The following FRAS1 variants were observed in gnomAD, a reference collection of about 807,000 sequenced individuals.
FRAS1 encodes the protein extracellular matrix organizing protein FRAS1.
A neutral mutation model predicts 435.2 loss-of-function variants in FRAS1; 290 were observed. That is an observed-to-expected ratio of 0.67 (90% CI 0.61 to 0.73). The LOEUF (loss-of-function observed/expected upper bound fraction) is 0.73. Among genes scored for constraint, FRAS1 ranks in the 30% least tolerant of loss-of-function variants. The probability of loss-of-function intolerance (pLI) is 0.00; values close to 1 mark genes in which losing one functional copy is unlikely to be tolerated. For missense variants in FRAS1, 4,860 were observed against 5,001.5 expected, an observed-to-expected ratio of 0.97 and a Z score of 0.85; for synonymous variants, 1,800 against 1,851.0, an observed-to-expected ratio of 0.97 and a Z score of 0.71.
At chr4:78,479,809 C>T in intron 56 of FRAS1, 91 bp downstream of exon 56, 1 of 994,150 alleles carries the variant, frequency 1.0e-6, no homozygotes, top group Non-Finnish European at 1.4e-6. Flanking sequence ...ATCCGGGAGA[C>T]ATTGAGAATG....
chr4:78,319,099 G>T, intron 18 of FRAS1, 113 bp downstream of exon 18: 2 of 1,087,482 alleles, frequency 1.8e-6, no homozygotes, highest in East Asian at 4.7e-5. Flanking sequence ...ATGGTTCCTA[G>T]ATGCTTGTGA....
At chr4:78,539,589 T>G in intron 73 of FRAS1, 149 bp downstream of exon 73, 1 of 792,454 alleles carries the variant, frequency 1.3e-6, no homozygotes, top group Non-Finnish European at 2.0e-6. Context: ...GTTAAGCTTA[T>G]CACCCACCCA....
chr4:78,140,952 A>G (rs1427440545), intron 2 of FRAS1, among the ~76,000 whole-genome samples: 4 of 152,218 alleles, frequency 2.6e-5, no homozygotes, highest in Non-Finnish European at 5.9e-5. Context: ...GTCACAAGTC[A>G]GAACCAATGA....
In FRAS1 at chr4:78,379,715, A is replaced by G; in HGVS notation, c.3293-11A>G. 1 of 1,603,682 alleles carries G rather than the reference A, an allele frequency of 6.2e-7. No individual in the cohort carries two copies. Among genetic ancestry groups the G allele is most frequent in the Non-Finnish European group, 8.5e-7 (1 of 1,177,540 alleles). ...CCATAAGCTTGACCTTTGGATTCAT[A>G]TGTTTTTCAGGCAAAATACACACCC... On this transcript the variant is annotated splice_polypyrimidine_tract_variant and intron_variant, in intron 26 of 73. Coordinates refer to ENST00000512123, the MANE Select transcript of FRAS1 (RefSeq NM_025074.7).
intron 13 of FRAS1, among the ~76,000 whole-genome samples, 200 bp downstream of exon 13, chr4:78,284,748 C>CT (rs1727502990): frequency 6.6e-6 from 1 of 152,038 alleles, no homozygotes; most frequent in Non-Finnish European, 1.5e-5. Flanking sequence ...ACCTGCAGGT[C>CT]TTTTTTTCTG....
intron 18 of FRAS1, among the ~76,000 whole-genome samples, chr4:78,324,408 A>C (rs1729634932): frequency 1.3e-5 from 2 of 152,152 alleles, no homozygotes; most frequent in African/African-American, 4.8e-5. Flanking sequence ...TTTCATTTTG[A>C]GATTACTACT....
At chr4:78,181,497 C>A (rs1470591389) in intron 2 of FRAS1, 1 of 1,611,652 alleles carries the variant, frequency 6.2e-7, no homozygotes, top group Non-Finnish European at 8.5e-7. Flanking sequence ...GAATCAAATC[C>A]ATCTCCTCGG....
In FRAS1 at chr4:78,308,054, A is replaced by G. The variant is rs368490722; in HGVS notation, c.1535-12A>G. On this transcript the variant is annotated splice_polypyrimidine_tract_variant and intron_variant, in intron 14 of 73. Coordinates refer to ENST00000512123, the MANE Select transcript of FRAS1 (RefSeq NM_025074.7). Reference sequence around the variant, plus strand: ...CCGTAGATTACTCACTGATTTTGCTATTCGTCTGCAGTCTGCCATGAGTCC... The same window carrying G: ...CCGTAGATTACTCACTGATTTTGCTGTTCGTCTGCAGTCTGCCATGAGTCC... The G allele has an allele frequency of 6.3e-6, 10 of 1,581,242 alleles. No homozygotes were observed. The highest frequency in any genetic ancestry group is 1.4e-5 in the African/African-American group (1 of 73,630).
intron 2 of FRAS1, among the ~76,000 whole-genome samples, chr4:78,206,306 G>A (rs1161457025): frequency 6.6e-6 from 1 of 152,078 alleles, no homozygotes; most frequent in Non-Finnish European, 1.5e-5. Flanking sequence ...GGAAGGGGCC[G>A]TGAGCCAAGG....
At chr4:78,328,844 T>C (rs1239326434) in intron 18 of FRAS1, among the ~76,000 whole-genome samples, 2 of 152,198 alleles carry the variant, frequency 1.3e-5, no homozygotes, top group Non-Finnish European at 2.9e-5. Flanking sequence ...AGGCTACTTA[T>C]TTTATTTCTT....
At chr4:78,291,422 C>G (rs773050648) in intron 14 of FRAS1, among the ~76,000 whole-genome samples, 1 of 152,158 alleles carries the variant, frequency 6.6e-6, no homozygotes, top group Non-Finnish European at 1.5e-5. Flanking sequence ...TGAGGCAGAG[C>G]TTGGTGACAA....
At chr4:78,441,976 C>T (rs1414670890) in intron 41 of FRAS1, among the ~76,000 whole-genome samples, 1 of 152,242 alleles carries the variant, frequency 6.6e-6, no homozygotes, top group African/African-American at 2.4e-5. Context: ...ATTGAGACAG[C>T]TCATGGCAGG....
intron 22 of FRAS1, among the ~76,000 whole-genome samples, chr4:78,367,686 C>T (rs1223689572): frequency 6.6e-6 from 1 of 151,612 alleles, no homozygotes; most frequent in Non-Finnish European, 1.5e-5. Flanking sequence ...TCTTCTTCAT[C>T]CTGTATTTGT....
chr4:78,397,446 G>T (rs1732714977), intron 29 of FRAS1, among the ~76,000 whole-genome samples: 1 of 152,188 alleles, frequency 6.6e-6, no homozygotes, highest in Non-Finnish European at 1.5e-5. Flanking sequence ...GTGTGTGTTT[G>T]CTGTCTGCAT....
Position 78,435,077 on chromosome 4 carries a change from C to T in FRAS1, c.5217+2473C>T, listed in dbSNP as rs574097002. ...AAGAACACCAGCCTGGACAACATGG[C>T]AAGACCCTGTCTCTACAAAAATACA... is the stretch of plus-strand genomic sequence containing the variant. On this transcript the variant is annotated intron_variant, in intron 38 of 73. Transcript: ENST00000512123. Among the ~76,000 whole-genome samples the T allele has an allele frequency of 1.6e-4, 25 of 152,154 alleles. No homozygotes were observed. In the South Asian group the frequency reaches 5.0e-3, roughly 30 times the overall value.
intron 56 of FRAS1, among the ~76,000 whole-genome samples, 183 bp from the exon 57 acceptor site, chr4:78,481,621 A>G (rs567001462): frequency 8.5e-5 from 13 of 152,328 alleles, no homozygotes; most frequent in Middle Eastern, 3.4e-3. Context: ...GTGAAAAGAC[A>G]GGTAGTGACA....
intron 12 of FRAS1, 140 bp from the exon 13 acceptor site, chr4:78,284,265 G>GT: frequency 2.4e-6 from 1 of 411,100 alleles, no homozygotes; most frequent in Non-Finnish European, 4.3e-6. Flanking sequence ...TATTTAGGAG[G>GT]CTTTTTCCTA....
chr4:78,372,614 C>T lies in FRAS1; in HGVS notation c.2870-104C>T, dbSNP rs146530183. On this transcript the variant is annotated intron_variant, in intron 23 of 73. Coordinates refer to ENST00000512123, the MANE Select transcript of FRAS1 (RefSeq NM_025074.7). ...ACTTATCTGACATCTCTTACGTTGT[C>T]CTTATTTTACTCCTTGCAGCTGCAG... The T allele has an allele frequency of 8.4e-4, 1,165 of 1,380,292 alleles. 9 individuals carry two copies. The Middle Eastern group carries it at 0.01, about 12-fold the overall frequency. 85.5% of individuals were successfully genotyped at this position (1,380,292 alleles called of 1,614,324 possible).
intron 70 of FRAS1, among the ~76,000 whole-genome samples, chr4:78,527,551 G>A (rs1721578239): frequency 6.6e-6 from 1 of 152,182 alleles, no homozygotes; most frequent in African/African-American, 2.4e-5. Context: ...ATTAAGAGAA[G>A]ACTATTTGAA....
Sources: allele counts gnomAD v4.1 joint callset (sites outside exome capture counted in the v4.1 genomes callset), GRCh38; gene constraint gnomAD v4.1.1; transcripts MANE v1.5; gene names NCBI Gene and HGNC (gene_info 2026-07-23, HGNC 2026-07-21).